ARHGAP15: variants seen among roughly 807,000 people sequenced by gnomAD.
ARHGAP15 encodes the protein Rho GTPase activating protein 15, also known as rho GTPase-activating protein 15.
A neutral mutation model predicts 63.7 loss-of-function variants in ARHGAP15; 51 were observed. The observed-to-expected ratio is 0.80, with a 90% CI of 0.64 to 1.01. The LOEUF is 1.01. ARHGAP15 is among the 50% of genes least tolerant of loss of function. The pLI is 0.00. For missense variants in ARHGAP15, 560 were observed against 564.6 expected (o/e 0.99, Z 0.08); for synonymous variants, 191 against 193.8 (o/e 0.99, Z 0.12).
intron 6 of ARHGAP15, among the ~76,000 whole-genome samples, chr2:143,425,475 A>G (rs1374738992): frequency 6.6e-6 from 1 of 151,980 alleles, no homozygotes; most frequent in Non-Finnish European, 1.5e-5. Flanking sequence ...ATACCTATAT[A>G]TCATATATAG....
At chr2:143,181,798 T>G (rs545774991) in intron 2 of ARHGAP15, among the ~76,000 whole-genome samples, 1 of 152,348 alleles carries the variant, frequency 6.6e-6, no homozygotes, top group East Asian at 1.9e-4. Flanking sequence ...TTCTTATCAT[T>G]CCTGTGTTCA....
intron 9 of ARHGAP15, among the ~76,000 whole-genome samples, chr2:143,495,460 T>TTTTTC (rs140881938): frequency 0.074 from 11,290 of 152,216 alleles, 636 homozygotes; most frequent in East Asian, 0.23. Flanking sequence ...CATGAGCTCA[T>TTTTTC]TTTTCTAACT....
chr2:143,438,257 A>G (rs1479509150), intron 8 of ARHGAP15, among the ~76,000 whole-genome samples: 4 of 150,260 alleles, frequency 2.7e-5, no homozygotes, highest in Admixed American at 6.7e-5. Flanking sequence ...GTGTACATAT[A>G]TACATATATA....
At chr2:143,557,446 G>A (rs1189068741) in intron 11 of ARHGAP15, among the ~76,000 whole-genome samples, 2 of 152,076 alleles carry the variant, frequency 1.3e-5, no homozygotes, top group Admixed American at 6.6e-5. Flanking sequence ...AGTAAAAGAT[G>A]AGTGGAAGCA....
intron 8 of ARHGAP15, among the ~76,000 whole-genome samples, chr2:143,443,170 T>C (rs1358763737): frequency 6.6e-6 from 1 of 152,186 alleles, no homozygotes; most frequent in Non-Finnish European, 1.5e-5. Flanking sequence ...AATACATATT[T>C]TAAAGTTTTT....
chr2:143,540,552 G>A (rs1332792366), intron 10 of ARHGAP15, among the ~76,000 whole-genome samples: 1 of 152,176 alleles, frequency 6.6e-6, no homozygotes, highest in East Asian at 1.9e-4. Context: ...TCCTTCAGGA[G>A]CTCCTTTAAG....
chr2:143,561,449 G>A (rs965134968), intron 11 of ARHGAP15, among the ~76,000 whole-genome samples: 1 of 151,864 alleles, frequency 6.6e-6, no homozygotes, highest in Non-Finnish European at 1.5e-5. Flanking sequence ...TATTCTCTCT[G>A]TTTTCCTGAA....
At chr2:143,620,779 A>G (rs917450910) in intron 11 of ARHGAP15, among the ~76,000 whole-genome samples, 5 of 152,224 alleles carry the variant, frequency 3.3e-5, no homozygotes, top group Non-Finnish European at 5.9e-5. Flanking sequence ...TAGATAATGA[A>G]TGTAGAGTGC....
At chr2:143,264,853 T>C (rs2381403) in intron 6 of ARHGAP15, among the ~76,000 whole-genome samples, 33,544 of 152,012 alleles carry the variant, frequency 0.22, 3,962 homozygotes, top group South Asian at 0.35. Context: ...CCACAGTTCT[T>C]GGTGTCAGCT....
intron 13 of ARHGAP15, among the ~76,000 whole-genome samples, chr2:143,725,946 A>T (rs985761461): frequency 6.6e-6 from 1 of 152,254 alleles, no homozygotes; most frequent in Non-Finnish European, 1.5e-5. Flanking sequence ...TATGGCTTGT[A>T]AAAGTTTTCC....
chr2:143,682,285 C>A (rs1201956365), intron 12 of ARHGAP15, among the ~76,000 whole-genome samples: 1 of 139,576 alleles, frequency 7.2e-6, no homozygotes, highest in Non-Finnish European at 1.6e-5. Context: ...AACGCTGTAA[C>A]CTTAGCAAAT....
chr2:143,633,375 T>C (rs372329980), intron 12 of ARHGAP15, among the ~76,000 whole-genome samples: 3 of 152,150 alleles, frequency 2.0e-5, no homozygotes, highest in African/African-American at 7.2e-5. Context: ...TGGACCTCCA[T>C]CTCCTTAATT....
chr2:143,372,349 T>TAAA (rs35140789), intron 6 of ARHGAP15, among the ~76,000 whole-genome samples: 4 of 114,200 alleles, frequency 3.5e-5, no homozygotes, highest in Admixed American at 9.2e-5. Context: ...GTAGTCGATT[T>TAAA]AAAAAAAAAA....
intron 1 of ARHGAP15, among the ~76,000 whole-genome samples, chr2:143,142,459 A>G (rs1304228297): frequency 6.6e-6 from 1 of 152,092 alleles, no homozygotes; most frequent in African/African-American, 2.4e-5. Context: ...GAAAGAACAA[A>G]CTTTCTTCTG....
intron 13 of ARHGAP15, among the ~76,000 whole-genome samples, chr2:143,732,734 A>G (rs1285686805): frequency 1.3e-5 from 2 of 152,014 alleles, no homozygotes; most frequent in African/African-American, 4.8e-5. Flanking sequence ...AAACTCACTA[A>G]ACAGTACACA....
Position 143,434,029 on chromosome 2 carries a change from A to G in ARHGAP15, c.475-1572A>G, listed in dbSNP as rs182298415. Among the ~76,000 whole-genome samples the G allele has an allele frequency of 2.1e-3, 312 of 152,172 alleles. 2 individuals carry two copies. Among genetic ancestry groups the G allele is most frequent in the African/African-American group, 7.3e-3 (305 of 41,554 alleles). On this transcript the variant is annotated intron_variant, in intron 6 of 13. Coordinates refer to ENST00000295095, the MANE Select transcript of ARHGAP15 (RefSeq NM_018460.4). The stretch of plus-strand genomic sequence containing the variant: ...CTTTATCTGAGTAGAGAACATTGCA[A>G]TGGTGTTCAGATAATTAGGCAAACA...
chr2:143,263,907 C>CTTTTTTTT lies in ARHGAP15; in HGVS notation c.474+13336_474+13343dup, dbSNP rs373296096. ...GGTGGGTCTACGGTGAAGCTGCAGT[C>CTTTTTTTT]TTTTTTTTTTTTTTTTTTTTTTTTT... On this transcript the variant is annotated intron_variant, in intron 6 of 13. Coordinates refer to ENST00000295095, the MANE Select transcript of ARHGAP15 (RefSeq NM_018460.4). 7.0e-4 allele frequency among the ~76,000 whole-genome samples: 27 copies of CTTTTTTTT among 38,442 alleles called. 7 individuals carry two copies. Among genetic ancestry groups the CTTTTTTTT allele is most frequent in the African/African-American group, 1.6e-3 (26 of 15,996 alleles). 25.2% of individuals were successfully genotyped at this position (38,442 alleles called of 152,430 possible). A position where few individuals can be genotyped will look rare whatever the true frequency, so the allele number is the denominator to read the frequency against.
intron 11 of ARHGAP15, among the ~76,000 whole-genome samples, chr2:143,558,186 A>C (rs1365241471): frequency 6.6e-6 from 1 of 152,152 alleles, no homozygotes; most frequent in Non-Finnish European, 1.5e-5. Flanking sequence ...TTCATAATAC[A>C]TTTAACATAT....
chr2:143,709,342 C>T (rs1216734659), intron 13 of ARHGAP15, among the ~76,000 whole-genome samples: 1 of 152,104 alleles, frequency 6.6e-6, no homozygotes, highest in Non-Finnish European at 1.5e-5. Context: ...TAGAAATGGG[C>T]AACTTTTAAT....
Sources: allele counts gnomAD v4.1 joint callset (sites outside exome capture counted in the v4.1 genomes callset), GRCh38; gene constraint gnomAD v4.1.1; transcripts MANE v1.5; gene names NCBI Gene and HGNC (gene_info 2026-07-23, HGNC 2026-07-21).